SRGAP2B: variants seen among roughly 807,000 people sequenced by gnomAD.
SRGAP2B encodes SLIT-ROBO Rho GTPase-activating protein 2B.
In SRGAP2B, 9 loss-of-function variants were observed where a neutral mutation model predicts 22.2. The observed-to-expected ratio is 0.41, with a 90% CI of 0.24 to 0.71. SRGAP2B has a LOEUF of 0.71. Among genes scored for constraint, SRGAP2B ranks in the 30% least tolerant of loss-of-function variants. The pLI is 0.35. For missense variants in SRGAP2B, 114 were observed against 235.8 expected (o/e 0.48, Z 3.38); for synonymous variants, 36 against 87.4 (o/e 0.41, Z 3.28).
Position 145,020,431 on chromosome 1 carries a change from TAA to T in SRGAP2B, c.68-25233_68-25232del, listed in dbSNP as rs782440915. On this transcript the variant is annotated intron_variant, in intron 2 of 9. Transcript: ENST00000612199. Reference sequence around the variant, plus strand: ...AAGAGAGAGAGAGACCTTGTCTCTTTAAAAAAAAAAAAAAAAAAAAAGGTAGA... The same window carrying T: ...AAGAGAGAGAGAGACCTTGTCTCTTTAAAAAAAAAAAAAAAAAAAGGTAGA... 5.4e-3 allele frequency among the ~76,000 whole-genome samples: 442 copies of T among 81,282 alleles called. 3 individuals carry two copies. Among genetic ancestry groups the T allele is most frequent in the Non-Finnish European group, 8.1e-3 (333 of 40,860 alleles). 53.3% of individuals were successfully genotyped at this position (81,282 alleles called of 152,430 possible).
chr1:145,002,100 A>G (rs1671222263), intron 2 of SRGAP2B, among the ~76,000 whole-genome samples: 1 of 95,114 alleles, frequency 1.1e-5, no homozygotes, highest in Non-Finnish European at 2.0e-5. Flanking sequence ...CATTCCTTAT[A>G]TCCATGTTTT....
intron 3 of SRGAP2B, among the ~76,000 whole-genome samples, chr1:144,985,018 A>G (rs1669610622): frequency 7.9e-6 from 1 of 127,112 alleles, no homozygotes; most frequent in Non-Finnish European, 1.6e-5. Context: ...CTCAAGAGCC[A>G]TTTTCTTTAA....
At chr1:144,930,328 A>T (rs1210087398) in intron 4 of SRGAP2B, among the ~76,000 whole-genome samples, 1 of 80,858 alleles carries the variant, frequency 1.2e-5, no homozygotes, top group African/African-American at 5.6e-5. Flanking sequence ...AAAACAAGAG[A>T]GAAGCAAGCC....
At chr1:145,020,360 G>T (rs1358323285) in intron 2 of SRGAP2B, among the ~76,000 whole-genome samples, 1 of 129,194 alleles carries the variant, frequency 7.7e-6, no homozygotes, top group Admixed American at 7.7e-5. Context: ...CCAGGAGTTG[G>T]AGGCTGCAAT....
chr1:144,988,993 C>G (rs1219457050), intron 3 of SRGAP2B, among the ~76,000 whole-genome samples: 6 of 132,482 alleles, frequency 4.5e-5, no homozygotes, highest in African/African-American at 1.5e-4. Flanking sequence ...CTTTCCACTC[C>G]CCCCACTTTT....
chr1:144,917,388 C>T (rs1553348813), intron 4 of SRGAP2B: 21 of 99,608 alleles, frequency 2.1e-4, no homozygotes, highest in African/African-American at 9.2e-4. Context: ...CACTTCCCAC[C>T]GCCCTGCCCT....
chr1:145,015,179 C>A (rs1672328690), intron 2 of SRGAP2B, among the ~76,000 whole-genome samples: 1 of 114,130 alleles, frequency 8.8e-6, no homozygotes, highest in African/African-American at 3.7e-5. Context: ...TGGGTTCAAG[C>A]AATTCTAGTG....
At chr1:144,891,690 C>CA (rs1452993060) in exon 10 of SRGAP2B, 2 of 98,714 alleles carry the variant, frequency 2.0e-5, no homozygotes, top group Non-Finnish European at 3.9e-5. Context: ...AGTAATGCTG[C>CA]ATATTACCCA....
chr1:144,999,099 C>A (rs1227134160), intron 2 of SRGAP2B, among the ~76,000 whole-genome samples: 1 of 150,710 alleles, frequency 6.6e-6, no homozygotes, highest in African/African-American at 2.5e-5. Context: ...TGTACACACT[C>A]AAAGACTCAC....
intron 2 of SRGAP2B, among the ~76,000 whole-genome samples, chr1:145,001,838 T>A (rs1476346409): frequency 6.6e-6 from 1 of 150,556 alleles, no homozygotes; most frequent in Non-Finnish European, 1.5e-5. Context: ...CTGGGCAACA[T>A]GGCAAAATCC....
At chr1:144,975,913 A>T (rs1570904842) in intron 3 of SRGAP2B, among the ~76,000 whole-genome samples, 1 of 116,640 alleles carries the variant, frequency 8.6e-6, no homozygotes, top group East Asian at 2.4e-4. Flanking sequence ...TCGGTCTGTC[A>T]CCCAGGCTGG....
intron 4 of SRGAP2B, among the ~76,000 whole-genome samples, chr1:144,923,013 T>C: frequency 6.6e-6 from 1 of 151,220 alleles, no homozygotes; most frequent in East Asian, 1.9e-4. Context: ...AAAGCTCACT[T>C]TGGTCCCTGA....
intron 4 of SRGAP2B, chr1:144,917,734 A>T (rs1553603948): frequency 7.6e-6 from 1 of 131,914 alleles, no homozygotes; most frequent in African/African-American, 3.5e-5. Context: ...ATACATGTGT[A>T]GCGAGCCCAC....
chr1:144,923,227 A>G (rs1450329104), intron 4 of SRGAP2B, among the ~76,000 whole-genome samples: 1 of 150,838 alleles, frequency 6.6e-6, no homozygotes, highest in Non-Finnish European at 1.5e-5. Flanking sequence ...TCAAAACAAC[A>G]TCCCTTAAAA....
chr1:144,944,311 A>C (rs1666305322), intron 4 of SRGAP2B, among the ~76,000 whole-genome samples: 1 of 150,732 alleles, frequency 6.6e-6, no homozygotes, highest in African/African-American at 2.5e-5. Flanking sequence ...AAGAATTTTT[A>C]AGTAATTGCC....
chr1:144,939,596 C>T (rs1348005882), intron 4 of SRGAP2B, among the ~76,000 whole-genome samples: 1 of 144,730 alleles, frequency 6.9e-6, no homozygotes, highest in African/African-American at 2.7e-5. Context: ...ACTTGAATAC[C>T]GAGCAATTAC....
intron 3 of SRGAP2B, among the ~76,000 whole-genome samples, chr1:144,958,915 T>C (rs1393249885): frequency 6.7e-6 from 1 of 150,350 alleles, no homozygotes; most frequent in East Asian, 1.9e-4. Context: ...CCAGTTTCCC[T>C]GCATTAGATA....
intron 2 of SRGAP2B, among the ~76,000 whole-genome samples, chr1:145,030,484 T>C (rs1426931557): frequency 1.0e-5 from 1 of 97,904 alleles, no homozygotes; most frequent in African/African-American, 5.3e-5. Flanking sequence ...TTCTCATTCA[T>C]AGGTGGGAAC....
chr1:144,976,020 C>T (rs190496348), intron 3 of SRGAP2B, among the ~76,000 whole-genome samples: 96 of 149,674 alleles, frequency 6.4e-4, no homozygotes, highest in African/African-American at 2.1e-3. Context: ...ACCACAGGCG[C>T]CTGCCACCAT....
Sources: allele counts gnomAD v4.1 joint callset (sites outside exome capture counted in the v4.1 genomes callset), GRCh38; gene constraint gnomAD v4.1.1; transcripts MANE v1.5; gene names NCBI Gene and HGNC (gene_info 2026-07-23, HGNC 2026-07-21).